MROH2B: variants seen among roughly 807,000 people sequenced by gnomAD.
The protein encoded by MROH2B is maestro heat-like repeat-containing protein family member 2B.
Under a neutral mutation model 208.6 loss-of-function variants are expected in MROH2B, and 177 were observed. The observed-to-expected ratio is 0.85, with a 90% CI of 0.75 to 0.96. The LOEUF is 0.96. Among genes scored for constraint, MROH2B ranks in the 40% least tolerant of loss-of-function variants. The pLI, the probability that MROH2B is intolerant of heterozygous loss-of-function variation, is 0.00. For synonymous variants in MROH2B, 728 were observed against 659.0 expected, an observed-to-expected ratio of 1.10 and a Z score of -1.60; for missense variants, 2,002 against 1,878.7, an observed-to-expected ratio of 1.07 and a Z score of -1.21.
intron 9 of MROH2B, among the ~76,000 whole-genome samples, 181 bp from the exon 10 acceptor site, chr5:41,056,036 G>A (rs2150178702): frequency 6.6e-6 from 1 of 152,332 alleles, no homozygotes; most frequent in South Asian, 2.1e-4. Context: ...TTGTTCATAA[G>A]AGAGCTTGCT....
At chr5:40,998,509 A>C (rs1209115923) in intron 41 of MROH2B, 103 bp downstream of exon 41, 2 of 949,504 alleles carry the variant, frequency 2.1e-6, no homozygotes, top group Admixed American at 4.5e-5. Context: ...AATTGGTACT[A>C]AGATTTTCAA....
At chr5:41,055,702 G>A (rs775709166) in intron 10 of MROH2B, 40 bp downstream of exon 10, 12 of 1,494,216 alleles carry the variant, frequency 8.0e-6, no homozygotes, top group Non-Finnish European at 1.1e-5. Context: ...CTGCTTCTTG[G>A]CATGAAATAA....
rs200551661 is a variant in MROH2B, at chr5:41,015,449, C to A, written c.2914G>T (p.Gly972Cys). The stretch of plus-strand genomic sequence containing the variant: ...TCACTTTCCAGCCCTTCCTGCAAAC[C>A]CTGCAGTCTTTCCACTTCCAAGTGA... ...GIHLEVERLQ[G>C]LQEGLESDDV... Residue 972 changes from glycine (G) to cysteine (C), a missense_variant, in exon 29 of 42, where the codon GGT becomes TGT. Gly to Cys is a radical substitution (Grantham distance 159). Transcript: ENST00000399564. The A allele has an allele frequency of 1.9e-6, 3 of 1,613,498 alleles. No individual in the cohort carries two copies. The highest frequency in any genetic ancestry group is 1.7e-5 in the Admixed American group (1 of 59,932).
At chr5:41,017,789 C>T in intron 28 of MROH2B, 61 bp downstream of exon 28, 1 of 1,511,810 alleles carries the variant, frequency 6.6e-7, no homozygotes, top group Non-Finnish European at 8.9e-7. Context: ...AGGAGAAAAG[C>T]TGAGAATAAA....
At chr5:41,000,947 A>G in intron 37 of MROH2B, 114 bp from the exon 38 acceptor site, 1 of 1,205,462 alleles carries the variant, frequency 8.3e-7, no homozygotes. Context: ...GCTGGAACCC[A>G]GGCACTTGTC....
chr5:41,000,879 A>G (rs1171178616), intron 37 of MROH2B, 46 bp from the exon 38 acceptor site: 2 of 1,564,392 alleles, frequency 1.3e-6, no homozygotes, highest in African/African-American at 2.7e-5. Flanking sequence ...CTCAGAGGCC[A>G]TTCCCTGCTA....
intron 30 of MROH2B, 50 bp from the exon 31 acceptor site, chr5:41,010,129 T>C (rs536282818): frequency 2.5e-6 from 4 of 1,586,330 alleles, no homozygotes; most frequent in Admixed American, 1.7e-5. Context: ...TTTCCCTCTA[T>C]GTGAATGACT....
At position 41,033,052 on chromosome 5, in the gene MROH2B, C is replaced by A; in HGVS notation, c.2350G>T (p.Gly784Cys). 5 of 1,612,992 alleles carry A rather than the reference C, an allele frequency of 3.1e-6. No individual in the cohort carries two copies. The highest frequency in any genetic ancestry group is 1.7e-5 in the Admixed American group (1 of 59,844). The change falls in exon 23 of 42, where the codon GGT (glycine) becomes TGT (cysteine). Residue 784 changes from glycine (G) to cysteine (C), a missense_variant. Gly to Cys is a radical substitution (Grantham distance 159). Coordinates refer to ENST00000399564, the MANE Select transcript of MROH2B (RefSeq NM_173489.5). Reference protein sequence around the residue: ...FQFSYKEMLIGYMLDFIRDEP... With the variant: ...FQFSYKEMLICYMLDFIRDEP... Reference sequence around the variant, plus strand: ...CTCTGCACACTCACCAGCATGTAACCAATCAGCATCTCCTTGTAGGAAAAC... The same window carrying A: ...CTCTGCACACTCACCAGCATGTAACAAATCAGCATCTCCTTGTAGGAAAAC...
intron 37 of MROH2B, among the ~76,000 whole-genome samples, chr5:41,002,961 CTTTT>C (rs200774331): frequency 2.2e-5 from 3 of 136,500 alleles, no homozygotes; most frequent in Admixed American, 7.4e-5. Flanking sequence ...TTAAAAATTG[CTTTT>C]TTTTTTTTTT....
intron 9 of MROH2B, among the ~76,000 whole-genome samples, chr5:41,056,779 A>G (rs1743466745): frequency 6.6e-6 from 1 of 151,834 alleles, no homozygotes; most frequent in Admixed American, 6.6e-5. Flanking sequence ...AATACCAAAA[A>G]AAAAAAAAAA....
chr5:41,026,009 A>T (rs955041398), intron 24 of MROH2B, among the ~76,000 whole-genome samples: 24 of 152,200 alleles, frequency 1.6e-4, no homozygotes, highest in Admixed American at 2.6e-4. Flanking sequence ...AAAACTCTCA[A>T]TAAACTAGGT....
chr5:41,047,615 A>AG, intron 17 of MROH2B, 106 bp downstream of exon 17: 1 of 998,038 alleles, frequency 1.0e-6, no homozygotes, highest in Non-Finnish European at 1.5e-6. Flanking sequence ...AGAAAGGAAA[A>AG]GGTTGTTTAT....
At chr5:41,028,963 A>G (rs892102142) in intron 24 of MROH2B, among the ~76,000 whole-genome samples, 12 of 152,000 alleles carry the variant, frequency 7.9e-5, no homozygotes, top group African/African-American at 1.4e-4. Context: ...ACGAGGTGGT[A>G]ATTTCATTTC....
Position 41,005,738 on chromosome 5 carries a change from A to C in MROH2B, c.3750-93T>G, listed in dbSNP as rs1579901940. ...TCATCAGGCAAGTAATTTGTCTAAA[A>C]AGGAATGCTTGGCTGGGGGTGGTGG... On this transcript the variant is annotated intron_variant, in intron 34 of 41. Coordinates refer to ENST00000399564, the MANE Select transcript of MROH2B (RefSeq NM_173489.5). 2.8e-6 allele frequency: 3 copies of C among 1,088,212 alleles called. No homozygotes were observed. In the East Asian group the frequency reaches 7.8e-5, roughly 28 times the overall value. 67.4% of individuals were successfully genotyped at this position (1,088,212 alleles called of 1,614,324 possible). A position where few individuals can be genotyped will look rare whatever the true frequency, so the allele number is the denominator to read the frequency against.
At chr5:41,019,938 T>C (rs547667503) in intron 24 of MROH2B, among the ~76,000 whole-genome samples, 101 of 152,340 alleles carry the variant, frequency 6.6e-4, no homozygotes, top group African/African-American at 2.1e-3. Context: ...CAATATGGAA[T>C]CTTTCTATGA....
At chr5:41,051,627 C>T (rs1743288442) in intron 12 of MROH2B, 1 of 152,144 alleles carries the variant, frequency 6.6e-6, no homozygotes, top group Non-Finnish European at 1.5e-5. Context: ...GAGAAAGTCC[C>T]TAGTGTTTGG....
intron 24 of MROH2B, among the ~76,000 whole-genome samples, chr5:41,031,637 T>C (rs1423616610): frequency 6.6e-6 from 1 of 152,114 alleles, no homozygotes; most frequent in East Asian, 1.9e-4. Context: ...TGTGGGTTTG[T>C]TTTATGGGTA....
At chr5:41,042,289 T>C in intron 18 of MROH2B, 81 bp from the exon 19 acceptor site, 1 of 823,836 alleles carries the variant, frequency 1.2e-6, no homozygotes, top group East Asian at 2.7e-5. Context: ...GTTAAAATAA[T>C]CATCTGAAGG....
chr5:41,004,606 AG>A, intron 36 of MROH2B, 78 bp from the exon 37 acceptor site: 1 of 1,522,532 alleles, frequency 6.6e-7, no homozygotes. Flanking sequence ...CTCAGACAAG[AG>A]GACTGAAATT....
Sources: allele counts gnomAD v4.1 joint callset (sites outside exome capture counted in the v4.1 genomes callset), GRCh38; gene constraint gnomAD v4.1.1; transcripts MANE v1.5; gene names NCBI Gene and HGNC (gene_info 2026-07-23, HGNC 2026-07-21).